Variants in C13orf42 observed in about 807,000 individuals in gnomAD.
C13orf42 encodes the protein uncharacterized protein C13orf42.
chr13:51,106,630 G>T (rs1953358962), intron 1 of C13orf42, among the ~76,000 whole-genome samples: 1 of 152,182 alleles, frequency 6.6e-6, no homozygotes, highest in Admixed American at 6.5e-5. Context: ...AGGGTGATTA[G>T]AAGTCAGGAA....
intron 1 of C13orf42, chr13:51,172,028 G>A (rs946336234): frequency 6.6e-6 from 1 of 152,092 alleles, no homozygotes; most frequent in African/African-American, 2.4e-5. Context: ...GCAATTCCTT[G>A]CCTCCACTGT....
intron 1 of C13orf42, among the ~76,000 whole-genome samples, chr13:51,109,887 G>A (rs1953407417): frequency 1.3e-5 from 2 of 152,244 alleles, no homozygotes; most frequent in Non-Finnish European, 2.9e-5. Flanking sequence ...TACTGAAGGA[G>A]TTCCTCCCCA....
rs79538119 is a variant in C13orf42 at position 51,092,432 on chromosome 13, G to A, written c.415-4357C>T. On this transcript the variant is annotated intron_variant, in intron 1 of 3. Coordinates refer to ENST00000563710, the MANE Select transcript of C13orf42 (RefSeq NM_001351589.3). ...CCACAATATCTCATCTAAAATTTCC[G>A]GATTTGGTTTATTTAAAGTGATCTA... Among the ~76,000 whole-genome samples the A allele has an allele frequency of 4.2e-3, 637 of 151,930 alleles. 23 individuals carry two copies. In the East Asian group the frequency reaches 0.076, roughly 18 times the overall value.
intron 1 of C13orf42, among the ~76,000 whole-genome samples, chr13:51,141,026 T>A (rs541377497): frequency 2.5e-3 from 366 of 147,164 alleles, no homozygotes; most frequent in Admixed American, 4.1e-3. Flanking sequence ...TTAAAAAAAA[T>A]TTTTTTTTTT....
chr13:51,108,391 C>T (rs556761559), intron 1 of C13orf42, among the ~76,000 whole-genome samples: 6 of 152,240 alleles, frequency 3.9e-5, no homozygotes, highest in South Asian at 2.1e-4. Context: ...CATGGGGTAA[C>T]GGCATTCCAG....
chr13:51,152,874 C>T (rs375477975), intron 1 of C13orf42, among the ~76,000 whole-genome samples: 3 of 152,206 alleles, frequency 2.0e-5, no homozygotes, highest in African/African-American at 7.2e-5. Flanking sequence ...TTGCTATGCT[C>T]GAGCCACATG....
At chr13:51,138,810 C>CAACAGCCAAAATGTGGA (rs1467690968) in intron 1 of C13orf42, among the ~76,000 whole-genome samples, 3 of 152,134 alleles carry the variant, frequency 2.0e-5, no homozygotes, top group African/African-American at 4.8e-5. Context: ...GCACTATTCA[C>CAACAGCCAAAATGTGGA]AACAGCCAAA....
chr13:51,110,916 T>C lies in C13orf42; in HGVS notation c.294A>G (p.Lys98=), dbSNP rs1953422253. The change falls in exon 1 of 4, where the codon AAA becomes AAG. Residue 98 remains lysine, a synonymous_variant. Transcript: ENST00000563710. ...YLQELLALRK[K]YLSSFSDLKP... ...TCAGATCACTGAAGCTGCTGAGATA[T>C]TTTTTGCGCAAGGCCAGCAGCTCCT... The C allele has an allele frequency of 5.0e-6, 2 of 398,618 alleles. No individual in the cohort carries two copies. The highest frequency in any genetic ancestry group is 2.1e-5 in the African/African-American group (1 of 48,748). The allele number at this position is 398,618 out of a possible 1,614,324, so 24.7% of individuals were successfully genotyped here. A position where few individuals can be genotyped will look rare whatever the true frequency, so the allele number is the denominator to read the frequency against.
intron 1 of C13orf42, among the ~76,000 whole-genome samples, chr13:51,148,384 C>T (rs1352545129): frequency 6.6e-6 from 1 of 152,222 alleles, no homozygotes; most frequent in Non-Finnish European, 1.5e-5. Flanking sequence ...AGGAGAGCGA[C>T]GCACAGGAAA....
chr13:51,171,601 C>T (rs1463162988), intron 1 of C13orf42, among the ~76,000 whole-genome samples: 1 of 152,124 alleles, frequency 6.6e-6, no homozygotes, highest in African/African-American at 2.4e-5. Context: ...TGCTCCTCCA[C>T]CCTATAATCT....
chr13:51,150,584 CAAG>C (rs2138037979), intron 1 of C13orf42, among the ~76,000 whole-genome samples: 1 of 152,306 alleles, frequency 6.6e-6, no homozygotes, highest in East Asian at 1.9e-4. Context: ...AAACATTTTT[CAAG>C]AAGACTGGCT....
chr13:51,153,450 G>C (rs1307129169), intron 1 of C13orf42, among the ~76,000 whole-genome samples: 1 of 151,906 alleles, frequency 6.6e-6, no homozygotes, highest in African/African-American at 2.4e-5. Flanking sequence ...ATGACAGAGA[G>C]AGAGAGAGAG....
chr13:51,130,301 T>C (rs890008531), intron 1 of C13orf42, among the ~76,000 whole-genome samples: 21 of 152,214 alleles, frequency 1.4e-4, no homozygotes, highest in Non-Finnish European at 2.8e-4. Flanking sequence ...TCAATTTATT[T>C]TGGAGCATTA....
At chr13:51,101,403 A>C (rs1953289160) in intron 1 of C13orf42, among the ~76,000 whole-genome samples, 1 of 152,188 alleles carries the variant, frequency 6.6e-6, no homozygotes, top group Non-Finnish European at 1.5e-5. Flanking sequence ...ATCAGAAAAA[A>C]ATGTATAGCG....
At chr13:51,138,515 G>A (rs951263511) in intron 1 of C13orf42, among the ~76,000 whole-genome samples, 1 of 151,690 alleles carries the variant, frequency 6.6e-6, no homozygotes, top group African/African-American at 2.4e-5. Flanking sequence ...ACCAGAATGA[G>A]ATACCACCTC....
intron 1 of C13orf42, among the ~76,000 whole-genome samples, chr13:51,122,929 C>T (rs1028595184): frequency 1.6e-4 from 25 of 152,076 alleles, no homozygotes; most frequent in African/African-American, 5.6e-4. Context: ...AACCAAGAGG[C>T]GGGGGCAGTG....
chr13:51,160,096 C>T (rs146033600), intron 1 of C13orf42, among the ~76,000 whole-genome samples: 122 of 152,318 alleles, frequency 8.0e-4, no homozygotes, highest in African/African-American at 2.8e-3. Flanking sequence ...TCCCACAACA[C>T]GTGGGACTTA....
At chr13:51,085,112 T>C (rs983668942) in intron 3 of C13orf42, among the ~76,000 whole-genome samples, 1 of 151,314 alleles carries the variant, frequency 6.6e-6, no homozygotes, top group Admixed American at 6.6e-5. Flanking sequence ...TTAGGAGCAG[T>C]GCACCAGGCT....
chr13:51,156,885 C>T (rs1034444378), intron 1 of C13orf42, among the ~76,000 whole-genome samples: 8 of 152,224 alleles, frequency 5.3e-5, no homozygotes, highest in East Asian at 3.8e-4. Context: ...GAATAATCCA[C>T]GCAATTGTTA....
Sources: allele counts gnomAD v4.1 joint callset (sites outside exome capture counted in the v4.1 genomes callset), GRCh38; gene constraint gnomAD v4.1.1; transcripts MANE v1.5; gene names NCBI Gene and HGNC (gene_info 2026-07-23, HGNC 2026-07-21).